The following PLPP3 variants were observed in gnomAD, a reference collection of about 807,000 sequenced individuals.
The protein encoded by PLPP3 is PAP2 beta.
Under a neutral mutation model 29.6 loss-of-function variants are expected in PLPP3, and 6 were observed. The ratio of observed to expected loss-of-function variants is 0.20; its 90% CI spans 0.11 to 0.40. PLPP3 has a LOEUF of 0.40. PLPP3 is among the 10% of genes least tolerant of loss of function. The pLI is 1.00. For synonymous variants in PLPP3, 152 were observed against 159.7 expected, an observed-to-expected ratio of 0.95 and a Z score of 0.36; for missense variants, 308 against 407.7, an observed-to-expected ratio of 0.76 and a Z score of 2.11.
At chr1:56,535,864 T>C (rs951610344) in intron 2 of PLPP3, among the ~76,000 whole-genome samples, 9 of 152,344 alleles carry the variant, frequency 5.9e-5, no homozygotes, top group Non-Finnish European at 8.8e-5. Flanking sequence ...CCAGGCATTA[T>C]GGCATTCATT....
chr1:56,543,951 A>G (rs1473440279), intron 1 of PLPP3, among the ~76,000 whole-genome samples: 1 of 152,286 alleles, frequency 6.6e-6, no homozygotes, highest in African/African-American at 2.4e-5. Flanking sequence ...CTTTAGTCCA[A>G]CTCAACAAAC....
At chr1:56,562,135 CAG>C (rs1036155415) in intron 1 of PLPP3, among the ~76,000 whole-genome samples, 5 of 150,256 alleles carry the variant, frequency 3.3e-5, no homozygotes, top group African/African-American at 1.2e-4. Flanking sequence ...GGAAAAGCCC[CAG>C]AGTGGAGATG....
chr1:56,572,203 C>G (rs548972324), intron 1 of PLPP3, among the ~76,000 whole-genome samples: 1 of 151,990 alleles, frequency 6.6e-6, no homozygotes, highest in Admixed American at 6.6e-5. Flanking sequence ...GCACACACCA[C>G]GATGCCCGGC....
chr1:56,497,050 A>T (rs1235562947), intron 5 of PLPP3, among the ~76,000 whole-genome samples: 1 of 152,248 alleles, frequency 6.6e-6, no homozygotes, highest in African/African-American at 2.4e-5. Flanking sequence ...TCATTAATTC[A>T]CACTACTTTC....
chr1:56,526,714 T>A (rs574187096), intron 2 of PLPP3, among the ~76,000 whole-genome samples: 1 of 152,304 alleles, frequency 6.6e-6, no homozygotes, highest in South Asian at 2.1e-4. Flanking sequence ...GGTGCTAGAC[T>A]CTGATTTATG....
intron 1 of PLPP3, among the ~76,000 whole-genome samples, chr1:56,564,579 A>G (rs1025806438): frequency 6.6e-6 from 1 of 152,252 alleles, no homozygotes; most frequent in African/African-American, 2.4e-5. Context: ...TGGCAAAATC[A>G]TAAGTAAAGG....
intron 5 of PLPP3, among the ~76,000 whole-genome samples, chr1:56,511,625 A>G (rs1645741744): frequency 6.6e-6 from 1 of 152,098 alleles, no homozygotes; most frequent in Non-Finnish European, 1.5e-5. Flanking sequence ...TGACCTGCTG[A>G]CACATGACCT....
At position 56,496,494 on chromosome 1, in the gene PLPP3, G is replaced by C; in HGVS notation, c.*57C>G. 2 of 1,593,172 alleles carry C rather than the reference G, an allele frequency of 1.3e-6. No individual in the cohort carries two copies. Among genetic ancestry groups the C allele is most frequent in the Non-Finnish European group, 1.7e-6 (2 of 1,164,194 alleles). On this transcript the variant is annotated 3_prime_UTR_variant, in exon 6 of 6. Transcript: ENST00000371250. ...TACTGTCTGATGAGATTGGAGAGCA[G>C]CAAGAACTTGCTGTCAGCAGTCATT...
At chr1:56,549,968 G>A (rs2100281484) in intron 1 of PLPP3, among the ~76,000 whole-genome samples, 1 of 152,312 alleles carries the variant, frequency 6.6e-6, no homozygotes, top group Admixed American at 6.5e-5. Flanking sequence ...TTCCGGGTAA[G>A]GAGTATGAGC....
rs151304097 is a variant in PLPP3 at position 56,524,506 on chromosome 1, A to C, written c.346T>G (p.Ser116Ala). The C allele has an allele frequency of 1.2e-6, 2 of 1,612,758 alleles. No individual in the cohort carries two copies. The highest frequency in any genetic ancestry group is 2.7e-5 in the African/African-American group (2 of 74,886). Residue 116 changes from serine (S) to alanine (A), a missense_variant, in exon 3 of 6, where the codon TCG becomes GCG. Coordinates refer to ENST00000371250, the MANE Select transcript of PLPP3 (RefSeq NM_003713.5). The surrounding 1 kb of genome is among the most constrained non-coding windows in gnomAD (Gnocchi z 4.3). ...GCCACGTAGGGGTTCTGAATCGTCG[A>C]CCGCGACTTCTTCAGGTAATAGATC... Reference protein sequence around the residue: ...YRIYYLKKSRSTIQNPYVAAL... With the variant: ...YRIYYLKKSRATIQNPYVAAL...
intron 2 of PLPP3, among the ~76,000 whole-genome samples, chr1:56,533,373 G>A (rs1215980651): frequency 6.6e-6 from 1 of 152,122 alleles, no homozygotes; most frequent in African/African-American, 2.4e-5. Context: ...TAAGTTTCAT[G>A]ACAAGAGACA....
intron 1 of PLPP3, among the ~76,000 whole-genome samples, chr1:56,544,057 C>T (rs1328955025): frequency 6.6e-6 from 1 of 152,218 alleles, no homozygotes; most frequent in East Asian, 1.9e-4. Context: ...TCCCTGCCTT[C>T]TGAAAGTCTC....
intron 1 of PLPP3, chr1:56,538,435 TC>T: frequency 2.4e-6 from 1 of 416,678 alleles, no homozygotes; most frequent in Non-Finnish European, 4.8e-6. Flanking sequence ...ACTGCCATCT[TC>T]CAGTAATTCA....
At chr1:56,501,007 C>CAAAAAAA (rs71048436) in intron 5 of PLPP3, among the ~76,000 whole-genome samples, 11 of 84,928 alleles carry the variant, frequency 1.3e-4, no homozygotes, top group Non-Finnish European at 1.8e-4. Context: ...CTGTCTCAGA[C>CAAAAAAA]AAAAAAAAAA....
intron 1 of PLPP3, among the ~76,000 whole-genome samples, chr1:56,570,078 T>C (rs139888079): frequency 6.4e-4 from 98 of 152,306 alleles, no homozygotes; most frequent in African/African-American, 2.3e-3. Flanking sequence ...CTTAAGGCCA[T>C]GGAAACCCTG....
At chr1:56,520,892 C>A (rs1289691475) in intron 4 of PLPP3, among the ~76,000 whole-genome samples, 1 of 109,216 alleles carries the variant, frequency 9.2e-6, no homozygotes, top group East Asian at 3.1e-4. Flanking sequence ...GCCTGTGCAA[C>A]AGAGCGAGAC....
At chr1:56,568,545 T>G (rs1012491719) in intron 1 of PLPP3, among the ~76,000 whole-genome samples, 8 of 152,330 alleles carry the variant, frequency 5.3e-5, no homozygotes, top group African/African-American at 1.4e-4. Flanking sequence ...AAATCCTGCA[T>G]TTAAAGTGTT....
Position 56,496,396 on chromosome 1 carries a change from G to T in PLPP3, c.*155C>A. 1 of 850,062 alleles carries T rather than the reference G, an allele frequency of 1.2e-6. No homozygotes were observed. Among genetic ancestry groups the T allele is most frequent in the Non-Finnish European group, 1.8e-6 (1 of 570,540 alleles). The allele number at this position is 850,062 out of a possible 1,614,324, so 52.7% of individuals were successfully genotyped here. A position where few individuals can be genotyped will look rare whatever the true frequency, so the allele number is the denominator to read the frequency against. On this transcript the variant is annotated 3_prime_UTR_variant, in exon 6 of 6. Coordinates refer to ENST00000371250, the MANE Select transcript of PLPP3 (RefSeq NM_003713.5). ...CACATAGGCAAACACTACCTATTTT[G>T]GAAGGCCACATAGTAAAACATTTTT...
chr1:56,549,229 G>A (rs758947667), intron 1 of PLPP3, among the ~76,000 whole-genome samples: 15 of 152,132 alleles, frequency 9.9e-5, no homozygotes, highest in Non-Finnish European at 1.9e-4. Flanking sequence ...CTGTGTGGCC[G>A]TTCTTTTTGC....
Sources: gnomAD v4.1 joint callset for allele counts (sites outside exome capture counted in the v4.1 genomes callset) on GRCh38, gnomAD v4.1.1 for gene constraint, Gnocchi (gnomAD v3.1) non-coding constraint, MANE v1.5 for transcripts, NCBI Gene and HGNC (gene_info 2026-07-23, HGNC 2026-07-21) for gene names.